LPP: variants seen among roughly 807,000 people sequenced by gnomAD.
LPP encodes the protein LIM domain containing preferred translocation partner in lipoma.
Under a neutral mutation model 60.4 loss-of-function variants are expected in LPP, and 38 were observed. The ratio of observed to expected loss-of-function variants is 0.63; its 90% CI spans 0.49 to 0.83. The LOEUF is 0.83. LPP is among the 40% of genes least tolerant of loss of function. The pLI, the probability that LPP is intolerant of heterozygous loss-of-function variation, is 0.00. For synonymous variants in LPP, 328 were observed against 290.8 expected (o/e 1.13, Z -1.30); for missense variants, 902 against 783.6 (o/e 1.15, Z -1.80).
intron 7 of LPP, among the ~76,000 whole-genome samples, chr3:188,692,849 A>G (rs181755983): frequency 6.6e-6 from 1 of 152,350 alleles, no homozygotes; most frequent in Admixed American, 6.5e-5. Flanking sequence ...TCTTCTCCGA[A>G]TGACTTTCTA....
chr3:188,559,788 G>A (rs751823367), intron 6 of LPP, among the ~76,000 whole-genome samples: 22 of 151,960 alleles, frequency 1.4e-4, no homozygotes, highest in Non-Finnish European at 2.6e-4. Flanking sequence ...TTTCTCGTCC[G>A]AGAATATAAA....
chr3:188,214,069 TC>T (rs1451608154), intron 1 of LPP, among the ~76,000 whole-genome samples: 1 of 151,476 alleles, frequency 6.6e-6, no homozygotes, highest in African/African-American at 2.4e-5. Flanking sequence ...CTCAGATGTT[TC>T]ACAGCCATCA....
chr3:188,524,721 T>C lies in LPP; in HGVS notation c.363T>C (p.Ile121=). 1 of 1,614,146 alleles carries C rather than the reference T, an allele frequency of 6.2e-7. No homozygotes were observed. Among genetic ancestry groups the C allele is most frequent in the Non-Finnish European group, 8.5e-7 (1 of 1,180,006 alleles). ...EERRSSLDAE[I]DSLTSILADL... Reference sequence around the variant, plus strand: ...GGCGCTCCAGCCTGGACGCTGAGATTGACTCCTTGACCAGCATCTTGGCTG... The same window carrying C: ...GGCGCTCCAGCCTGGACGCTGAGATCGACTCCTTGACCAGCATCTTGGCTG... The change falls in exon 6 of 12, where the codon ATT becomes ATC. Residue 121 remains isoleucine, a synonymous_variant. Transcript: ENST00000617246.
intron 5 of LPP, among the ~76,000 whole-genome samples, chr3:188,507,194 C>A (rs1258119246): frequency 6.6e-6 from 1 of 152,026 alleles, no homozygotes; most frequent in Non-Finnish European, 1.5e-5. Context: ...AATAGGAATT[C>A]TCTGGGAAAG....
At chr3:188,467,339 A>T (rs1800736475) in intron 4 of LPP, among the ~76,000 whole-genome samples, 2 of 152,126 alleles carry the variant, frequency 1.3e-5, no homozygotes, top group African/African-American at 2.4e-5. Context: ...ATTCTTAGAA[A>T]ATCATGAGGA....
chr3:188,250,802 TTCTTTC>T (rs369059925), intron 2 of LPP, among the ~76,000 whole-genome samples: 131 of 136,186 alleles, frequency 9.6e-4, no homozygotes, highest in African/African-American at 3.4e-3. Context: ...TTCTCTTTCT[TTCTTTC>T]TCTTTCTTTC....
Position 188,501,924 on chromosome 3 carries a change from AAC to A in LPP, c.306+17222_306+17223del, listed in dbSNP as rs201264611. On this transcript the variant is annotated intron_variant, in intron 5 of 11. Coordinates refer to ENST00000617246, the MANE Select transcript of LPP (RefSeq NM_001375462.1). ...AGTGTGAGACTCCATTAAAAAAAAAAACAAACAAGTATATTATTTAATTACTG... is the reference window on the plus strand; with the variant it reads ...AGTGTGAGACTCCATTAAAAAAAAAAAAACAAGTATATTATTTAATTACTG... Among the ~76,000 whole-genome samples the A allele has an allele frequency of 4.0e-3, 616 of 152,142 alleles. 3 individuals are homozygous for A. Among genetic ancestry groups the A allele is most frequent in the South Asian group, 0.018 (86 of 4,822 alleles).
intron 9 of LPP, among the ~76,000 whole-genome samples, chr3:188,788,302 A>T (rs953849280): frequency 1.3e-5 from 2 of 152,196 alleles, no homozygotes; most frequent in Non-Finnish European, 2.9e-5. Context: ...ACCTAAACAC[A>T]CACCCAAAAC....
At chr3:188,686,576 T>TA (rs1860780134) in intron 7 of LPP, among the ~76,000 whole-genome samples, 1 of 152,234 alleles carries the variant, frequency 6.6e-6, no homozygotes, top group Admixed American at 6.5e-5. Flanking sequence ...ATCTGTGGCA[T>TA]ATTCTAACCA....
Position 188,450,379 on chromosome 3 carries a change from G to A in LPP, c.194-34213G>A, listed in dbSNP as rs180673659. On this transcript the variant is annotated intron_variant, in intron 4 of 11. Transcript: ENST00000617246. Reference sequence around the variant, plus strand: ...TGCCCATAGATTAGGAACTATTGCTGTACTATTGCTCATCAGTTTAAATAA... The same window carrying A: ...TGCCCATAGATTAGGAACTATTGCTATACTATTGCTCATCAGTTTAAATAA... Among the ~76,000 whole-genome samples the A allele has an allele frequency of 1.1e-4, 17 of 152,256 alleles. No homozygotes were observed. The East Asian group carries it at 3.1e-3, about 28-fold the overall frequency.
chr3:188,195,959 T>A lies in LPP; in HGVS notation c.-189-29446T>A, dbSNP rs533672929. Among the ~76,000 whole-genome samples, 146 of 152,320 alleles carry A rather than the reference T, an allele frequency of 9.6e-4. 2 individuals carry two copies. Among genetic ancestry groups the A allele is most frequent in the Middle Eastern group, 3.4e-3 (1 of 294 alleles). On this transcript the variant is annotated intron_variant, in intron 1 of 11. Coordinates refer to ENST00000617246, the MANE Select transcript of LPP (RefSeq NM_001375462.1). ...TTACTCCTCTGCCTTTATATTTGTCTCTACTGCCTCACCTTCTTTTGGCTT... is the reference window on the plus strand; with the variant it reads ...TTACTCCTCTGCCTTTATATTTGTCACTACTGCCTCACCTTCTTTTGGCTT...
chr3:188,240,450 C>G (rs1723906349), intron 2 of LPP, among the ~76,000 whole-genome samples: 1 of 151,756 alleles, frequency 6.6e-6, no homozygotes, highest in African/African-American at 2.4e-5. Context: ...TTGACAGTAG[C>G]AACTTCATAG....
intron 9 of LPP, among the ~76,000 whole-genome samples, chr3:188,799,901 C>A (rs1746499397): frequency 6.6e-6 from 1 of 152,142 alleles, no homozygotes; most frequent in Non-Finnish European, 1.5e-5. Flanking sequence ...TTCAACTCCT[C>A]TCTCTAGAGG....
chr3:188,771,422 G>A (rs925234300), intron 9 of LPP, among the ~76,000 whole-genome samples: 3 of 151,768 alleles, frequency 2.0e-5, no homozygotes, highest in Admixed American at 6.6e-5. Context: ...GGTGGCACAA[G>A]CCTGTAATCC....
chr3:188,753,895 A>C (rs186839604), intron 8 of LPP, among the ~76,000 whole-genome samples: 2 of 152,208 alleles, frequency 1.3e-5, no homozygotes, highest in East Asian at 1.9e-4. Flanking sequence ...TCTCTATAGA[A>C]TCAGATATAC....
At chr3:188,736,246 A>G (rs1722464253) in intron 8 of LPP, among the ~76,000 whole-genome samples, 2 of 152,176 alleles carry the variant, frequency 1.3e-5, no homozygotes, top group South Asian at 4.1e-4. Context: ...CAAAAATTTT[A>G]AAGTGTATGT....
At chr3:188,795,194 G>A (rs1258214043) in intron 9 of LPP, among the ~76,000 whole-genome samples, 1 of 152,076 alleles carries the variant, frequency 6.6e-6, no homozygotes, top group Non-Finnish European at 1.5e-5. Flanking sequence ...CTACCTTTAT[G>A]TTTTTACCCA....
At position 188,488,622 on chromosome 3, in the gene LPP, TTTTATTTA is replaced by T. The variant is rs72105648; in HGVS notation, c.306+3942_306+3949del. 3.3e-5 allele frequency among the ~76,000 whole-genome samples: 5 copies of T among 149,686 alleles called. No homozygotes were observed. The South Asian group carries it at 8.5e-4, about 26-fold the overall frequency. ...TCTCAGCCTTGGGACGGTCAGTTAG[TTTTATTTA>T]TTTATTTATTTATTTATTTATTTTG... is the stretch of plus-strand genomic sequence containing the variant. On this transcript the variant is annotated intron_variant, in intron 5 of 11. Transcript: ENST00000617246.
intron 10 of LPP, among the ~76,000 whole-genome samples, chr3:188,872,281 A>G (rs1768308028): frequency 6.6e-6 from 1 of 152,218 alleles, no homozygotes; most frequent in South Asian, 2.1e-4. Flanking sequence ...AACAAAAGTC[A>G]GAAACAAATA....
Sources: gnomAD v4.1 joint callset for allele counts (sites outside exome capture counted in the v4.1 genomes callset) on GRCh38, gnomAD v4.1.1 for gene constraint, MANE v1.5 for transcripts, NCBI Gene and HGNC (gene_info 2026-07-23, HGNC 2026-07-21) for gene names.